ATRN: variants seen among roughly 807,000 people sequenced by gnomAD.
ATRN encodes attractin.
Under a neutral mutation model 178.7 loss-of-function variants are expected in ATRN, and 54 were observed. The observed-to-expected ratio is 0.30, with a 90% confidence interval of 0.24 to 0.38. ATRN has a LOEUF of 0.38. ATRN is among the 10% of genes least tolerant of loss of function. The pLI is 1.00. For missense variants in ATRN, 1,443 were observed against 1,815.1 expected, an observed-to-expected ratio of 0.79 and a Z score of 3.73; for synonymous variants, 636 against 663.0, an observed-to-expected ratio of 0.96 and a Z score of 0.63.
At chr20:3,567,245 C>T (rs2086049426) in intron 11 of ATRN, among the ~76,000 whole-genome samples, 1 of 152,120 alleles carries the variant, frequency 6.6e-6, no homozygotes, top group South Asian at 2.1e-4. Flanking sequence ...ATTATCATGC[C>T]TGTGGGAGCC....
intron 3 of ATRN, among the ~76,000 whole-genome samples, chr20:3,542,176 G>T (rs192537948): frequency 1.3e-5 from 2 of 152,304 alleles, no homozygotes; most frequent in East Asian, 3.9e-4. Context: ...AACATAACTT[G>T]TAGCAAAAAG....
intron 24 of ATRN, 84 bp downstream of exon 24, chr20:3,604,346 G>C: frequency 6.9e-7 from 1 of 1,440,658 alleles, no homozygotes. Context: ...GGAGCTTGTG[G>C]TAAATGAGAT....
intron 27 of ATRN, among the ~76,000 whole-genome samples, chr20:3,641,000 C>G (rs575488597): frequency 6.6e-6 from 1 of 152,226 alleles, no homozygotes; most frequent in South Asian, 2.1e-4. Flanking sequence ...TGAAATACTC[C>G]AGTAACAAAA....
chr20:3,576,669 T>TTATC lies in ATRN; in HGVS notation c.2215-180_2215-177dup, dbSNP rs199620341. ...TTCCCCACTGCAGAGCTACTGCAAC[T>TTATC]TATCTATCTATCTGTCTGTCTGTCT... is the stretch of plus-strand genomic sequence containing the variant. On this transcript the variant is annotated intron_variant, in intron 13 of 28. Coordinates refer to ENST00000262919, the MANE Select transcript of ATRN (RefSeq NM_139321.3). Among the ~76,000 whole-genome samples the TTATC allele has an allele frequency of 2.7e-3, 294 of 108,234 alleles. 2 individuals carry two copies. Among genetic ancestry groups the TTATC allele is most frequent in the Non-Finnish European group, 3.5e-3 (176 of 50,062 alleles). 71.0% of individuals were successfully genotyped at this position (108,234 alleles called of 152,430 possible).
chr20:3,526,019 C>A (rs939418334), intron 1 of ATRN, among the ~76,000 whole-genome samples: 1 of 152,150 alleles, frequency 6.6e-6, no homozygotes, highest in Admixed American at 6.5e-5. Flanking sequence ...CTCACCACTC[C>A]TATTCAACCT....
chr20:3,523,983 T>G (rs894841816), intron 1 of ATRN, among the ~76,000 whole-genome samples: 4 of 152,062 alleles, frequency 2.6e-5, no homozygotes, highest in Non-Finnish European at 5.9e-5. Context: ...TAAAGACCAT[T>G]GACACTATGA....
At chr20:3,621,144 T>C (rs1406430380) in intron 24 of ATRN, among the ~76,000 whole-genome samples, 1 of 151,952 alleles carries the variant, frequency 6.6e-6, no homozygotes, top group African/African-American at 2.4e-5. Flanking sequence ...AGCAGATCAA[T>C]GGTGAGGGAG....
At chr20:3,529,318 A>G (rs182889019) in intron 1 of ATRN, among the ~76,000 whole-genome samples, 20 of 152,318 alleles carry the variant, frequency 1.3e-4, no homozygotes, top group Non-Finnish European at 2.6e-4. Context: ...GTGCATATCT[A>G]TACTTTAATC....
At position 3,649,446 on chromosome 20, in the gene ATRN, T is replaced by A. The variant is rs1423732293; in HGVS notation, c.*2599T>A. On this transcript the variant is annotated 3_prime_UTR_variant, in exon 29 of 29. Transcript: ENST00000262919. ...TGTGCCATATGCTGGATATCCAGGT[T>A]CTCGCCAGGCCCCGATACATGAATA... The A allele has an allele frequency of 1.3e-5, 2 of 152,394 alleles. No individual in the cohort carries two copies. Among genetic ancestry groups the A allele is most frequent in the Non-Finnish European group, 2.9e-5 (2 of 68,036 alleles). The allele number at this position is 152,394 out of a possible 1,614,324, so 9.4% of individuals were successfully genotyped here.
At chr20:3,565,639 G>T (rs746973538) in intron 11 of ATRN, among the ~76,000 whole-genome samples, 8 of 151,962 alleles carry the variant, frequency 5.3e-5, no homozygotes, top group Non-Finnish European at 7.4e-5. Flanking sequence ...GGTAGTGCGT[G>T]CCTGTAATCC....
intron 4 of ATRN, among the ~76,000 whole-genome samples, chr20:3,546,579 GAC>G (rs945201910): frequency 6.6e-6 from 1 of 151,902 alleles, no homozygotes; most frequent in African/African-American, 2.4e-5. Context: ...ATTTAGTAGA[GAC>G]GGGGTTTCAC....
rs577864057 is a variant in ATRN at position 3,519,006 on chromosome 20, T to TAAAAAAAAAAAAA, written c.411-16245_411-16233dup. Among the ~76,000 whole-genome samples, 281 of 119,320 alleles carry TAAAAAAAAAAAAA rather than the reference T, an allele frequency of 2.4e-3. 5 individuals carry two copies. The highest frequency in any genetic ancestry group is 3.1e-3 in the Admixed American group (35 of 11,372). 78.3% of individuals were successfully genotyped at this position (119,320 alleles called of 152,430 possible). A position where few individuals can be genotyped will look rare whatever the true frequency, so the allele number is the denominator to read the frequency against. ...GTGCTTCAATAAACATCCTTATATATAAAAAAAAAAAAAAGAAAGAAAACT... is the reference window on the plus strand; with the variant it reads ...GTGCTTCAATAAACATCCTTATATATAAAAAAAAAAAAAAAAAAAAAAAAAAAGAAAGAAAACT... On this transcript the variant is annotated intron_variant, in intron 1 of 28. Transcript: ENST00000262919.
intron 1 of ATRN, among the ~76,000 whole-genome samples, chr20:3,524,780 A>G: frequency 6.6e-6 from 1 of 152,216 alleles, no homozygotes; most frequent in East Asian, 1.9e-4. Context: ...CTACATGGAA[A>G]CTGAACAACC....
At chr20:3,591,713 G>GT (rs1349512534) in intron 19 of ATRN, among the ~76,000 whole-genome samples, 1 of 152,178 alleles carries the variant, frequency 6.6e-6, no homozygotes, top group Non-Finnish European at 1.5e-5. Flanking sequence ...GGACACTAAG[G>GT]TTGTGGGAAG....
intron 1 of ATRN, among the ~76,000 whole-genome samples, chr20:3,482,385 T>C (rs980869776): frequency 6.6e-6 from 1 of 152,256 alleles, no homozygotes; most frequent in Non-Finnish European, 1.5e-5. Context: ...TTGATATTCA[T>C]AAATATGTGC....
chr20:3,471,592 G>A (rs1451656686), intron 1 of ATRN, 75 bp downstream of exon 1: 2 of 1,353,656 alleles, frequency 1.5e-6, no homozygotes, highest in African/African-American at 1.5e-5. Flanking sequence ...ACGGCTCCAG[G>A]TCAGAGGGAG....
intron 8 of ATRN, 130 bp from the exon 9 acceptor site, chr20:3,562,146 A>C: frequency 1.3e-6 from 1 of 766,434 alleles, no homozygotes; most frequent in Non-Finnish European, 2.1e-6. Flanking sequence ...TTTCTTTAAA[A>C]TATAAAGATA....
At chr20:3,614,461 T>G (rs1212737346) in intron 24 of ATRN, among the ~76,000 whole-genome samples, 1 of 152,162 alleles carries the variant, frequency 6.6e-6, no homozygotes, top group Non-Finnish European at 1.5e-5. Context: ...CATCTACTGT[T>G]TTATGTAAGA....
chr20:3,563,459 G>A, intron 10 of ATRN, 96 bp downstream of exon 10: 1 of 1,292,102 alleles, frequency 7.7e-7, no homozygotes, highest in South Asian at 1.7e-5. Flanking sequence ...AGTTCAAAAT[G>A]ATCAGGCCAT....
Sources: gnomAD v4.1 joint callset for allele counts (sites outside exome capture counted in the v4.1 genomes callset) on GRCh38, gnomAD v4.1.1 for gene constraint, MANE v1.5 for transcripts, NCBI Gene and HGNC (gene_info 2026-07-23, HGNC 2026-07-21) for gene names.